Variants in HELB observed in about 807,000 individuals in gnomAD.
The protein encoded by HELB is DNA helicase B, also known as DNA 5'-3' helicase B.
In HELB, 96 loss-of-function variants were observed where a neutral mutation model predicts 101.7. That is an observed-to-expected ratio of 0.94 (90% CI 0.80 to 1.12). The LOEUF is 1.12. Ranked by LOEUF, HELB falls within the 50% of genes most tolerant of loss-of-function variation. HELB has a pLI of 0.00. For synonymous variants in HELB, 437 were observed against 459.7 expected, an observed-to-expected ratio of 0.95 and a Z score of 0.63; for missense variants, 1,210 against 1,291.9, an observed-to-expected ratio of 0.94 and a Z score of 0.97.
At position 66,324,040 on chromosome 12, in the gene HELB, T is replaced by C. The variant is rs758587182; in HGVS notation, c.2355T>C (p.Asn785=). The C allele has an allele frequency of 1.9e-6, 3 of 1,613,736 alleles. No homozygotes were observed. Among genetic ancestry groups the C allele is most frequent in the East Asian group, 2.2e-5 (1 of 44,818 alleles). The change falls in exon 10 of 13, where the codon AAT becomes AAC. Residue 785 remains asparagine (N), a synonymous_variant. Transcript: ENST00000247815. The part of the protein sequence containing the change: ...GIGDKICCTR[N]AYLSDLLPEN... ...GTGATAAAATTTGTTGTACCAGGAA[T>C]GCATACCTCTCAGACTTACTACCTG...
At chr12:66,338,319 A>G (rs754424164), downstream of HELB, 2 of 414,560 alleles carry the variant, frequency 4.8e-6, no homozygotes, top group Non-Finnish European at 8.5e-6. Context: ...GAGATTAGAT[A>G]TTTTATATAC....
intron 11 of HELB, 81 bp from the exon 12 acceptor site, chr12:66,331,073 C>A (rs1210496989): frequency 2.0e-6 from 3 of 1,474,308 alleles, no homozygotes; most frequent in Admixed American, 4.4e-5. Context: ...GCACTTTGAA[C>A]ACTTGTCTCC....
At position 66,315,359 on chromosome 12, in the gene HELB, A is replaced by T. The variant is rs2053592949; in HGVS notation, c.1976A>T (p.Gln659Leu). 3 of 1,599,318 alleles carry T rather than the reference A, an allele frequency of 1.9e-6. No homozygotes were observed. The highest frequency in any genetic ancestry group is 2.6e-6 in the Non-Finnish European group (3 of 1,172,626). The change falls in exon 6 of 13, where the codon CAG becomes CTG. Residue 659 changes from glutamine to leucine, a missense_variant. By Grantham distance (113) the Gln-to-Leu change is moderately radical. Transcript: ENST00000247815. The stretch of plus-strand genomic sequence containing the variant: ...AAGACAAACCATAGAGCAGAATCTC[A>T]GCTCATTGTGGACAATGCTACAAGG... Reference protein sequence around the residue: ...ELKTNHRAESQLIVDNATRIS... With the variant: ...ELKTNHRAESLLIVDNATRIS...
chr12:66,325,852 C>G (rs1268571168), intron 11 of HELB, among the ~76,000 whole-genome samples: 1 of 152,104 alleles, frequency 6.6e-6, no homozygotes, highest in Non-Finnish European at 1.5e-5. Flanking sequence ...CTTTGTGAGG[C>G]AACCTTTTAT....
At position 66,316,967 on chromosome 12, in the gene HELB, C is replaced by T. The variant is rs570983020; in HGVS notation, c.2000+1584C>T. ...CTGGAAGGCGGAGATTGCAGTGAGC[C>T]GAGATCATGCCACTGCACTCCAGCC... On this transcript the variant is annotated intron_variant, in intron 6 of 12. Coordinates refer to ENST00000247815, the MANE Select transcript of HELB (RefSeq NM_001370285.1). 1.3e-4 allele frequency among the ~76,000 whole-genome samples: 19 copies of T among 145,794 alleles called. 1 individual carries two copies. In the East Asian group the frequency reaches 3.6e-3, roughly 28 times the overall value.
chr12:66,330,779 T>A (rs1239442011), intron 11 of HELB, among the ~76,000 whole-genome samples: 1 of 150,830 alleles, frequency 6.6e-6, no homozygotes, highest in African/African-American at 2.4e-5. Flanking sequence ...TACCTATTAC[T>A]GGCTACTTAA....
intron 7 of HELB, among the ~76,000 whole-genome samples, chr12:66,321,180 A>G (rs1232693041): frequency 6.6e-6 from 1 of 152,228 alleles, no homozygotes; most frequent in Non-Finnish European, 1.5e-5. Context: ...GGAAACATAC[A>G]TGGGAAAATG....
At position 66,302,541 on chromosome 12, in the gene HELB, T is replaced by G; in HGVS notation, c.-63T>G. 6.7e-7 allele frequency: 1 copy of G among 1,491,812 alleles called. No individual in the cohort carries two copies. Among genetic ancestry groups the G allele is most frequent in the Non-Finnish European group, 9.2e-7 (1 of 1,081,894 alleles). The allele number at this position is 1,491,812 out of a possible 1,614,324, so 92.4% of individuals were successfully genotyped here. On this transcript the variant is annotated 5_prime_UTR_variant, in exon 1 of 13. Transcript: ENST00000247815. ...CCTTACAGTCGTAGAACTGATTGGCTGATCATGACCATGCAGTTAGCCAGG... is the reference window on the plus strand; with the variant it reads ...CCTTACAGTCGTAGAACTGATTGGCGGATCATGACCATGCAGTTAGCCAGG...
chr12:66,318,546 A>G, intron 6 of HELB, 92 bp from the exon 7 acceptor site: 1 of 1,150,396 alleles, frequency 8.7e-7, no homozygotes. Flanking sequence ...ATTAATAGAT[A>G]CTAATTATTA....
At chr12:66,324,821 T>C (rs2053716493) in intron 10 of HELB, 162 bp from the exon 11 acceptor site, 3 of 728,466 alleles carry the variant, frequency 4.1e-6, no homozygotes, top group East Asian at 5.6e-5. Flanking sequence ...GGTATAGATA[T>C]ATTGTTTGTG....
At chr12:66,309,465 C>T (rs2053514250) in intron 3 of HELB, among the ~76,000 whole-genome samples, 2 of 151,836 alleles carry the variant, frequency 1.3e-5, no homozygotes, top group African/African-American at 4.8e-5. Context: ...TTTGATAAGC[C>T]TTATAGTATT....
intron 11 of HELB, among the ~76,000 whole-genome samples, chr12:66,325,926 A>G (rs1422577071): frequency 3.3e-5 from 5 of 152,188 alleles, no homozygotes; most frequent in African/African-American, 1.2e-4. Context: ...ATGATACTAC[A>G]GAGAGTTTTC....
intron 1 of HELB, 24 bp downstream of exon 1, chr12:66,302,814 G>T (rs1401961982): frequency 1.3e-6 from 2 of 1,579,716 alleles, no homozygotes; most frequent in South Asian, 1.1e-5. Flanking sequence ...CTGCCCGGGG[G>T]ATGGGGTTGG....
chr12:66,318,626 T>C lies in HELB; in HGVS notation c.2001-12T>C, dbSNP rs560254037. 4 of 1,593,248 alleles carry C rather than the reference T, an allele frequency of 2.5e-6. No individual in the cohort carries two copies. The South Asian group carries it at 3.4e-5, about 14-fold the overall frequency. On this transcript the variant is annotated splice_polypyrimidine_tract_variant and intron_variant, in intron 6 of 12. Transcript: ENST00000247815. The stretch of plus-strand genomic sequence containing the variant: ...TAATGTTCTTTGTGTGTGTGTGTTA[T>C]CTTTATTCAAGAATCTCAAGACGCC...
At chr12:66,343,014 C>G (rs2053929089), downstream of HELB, 2 of 152,184 alleles carry the variant, frequency 1.3e-5, no homozygotes, top group South Asian at 4.1e-4. Flanking sequence ...TATTCTAATG[C>G]CAGCACCATA....
At chr12:66,334,421 C>T (rs751745094) in intron 12 of HELB, among the ~76,000 whole-genome samples, 11 of 148,446 alleles carry the variant, frequency 7.4e-5, no homozygotes, top group Non-Finnish European at 1.0e-4. Context: ...GTGATTGTGA[C>T]GTCCCATTCC....
intron 4 of HELB, among the ~76,000 whole-genome samples, chr12:66,310,912 A>G (rs2053537062): frequency 6.6e-6 from 1 of 152,312 alleles, no homozygotes; most frequent in South Asian, 2.1e-4. Flanking sequence ...CCTGGGCAAC[A>G]GAGCGAGACT....
In HELB at chr12:66,337,971, T is replaced by C. The variant is rs746617079; in HGVS notation, c.3163-30T>C. The C allele has an allele frequency of 5.4e-6, 7 of 1,300,970 alleles. No individual in the cohort carries two copies. In the South Asian group the frequency reaches 8.5e-5, roughly 16 times the overall value. 80.6% of individuals were successfully genotyped at this position (1,300,970 alleles called of 1,614,324 possible). A position where few individuals can be genotyped will look rare whatever the true frequency, so the allele number is the denominator to read the frequency against. ...GTAGACTAACTACATTTTTACAAAATTAACTTTGTTATTTTAATTGTTCTA... is the reference window on the plus strand; with the variant it reads ...GTAGACTAACTACATTTTTACAAAACTAACTTTGTTATTTTAATTGTTCTA... On this transcript the variant is annotated intron_variant, in intron 12 of 12. Coordinates refer to ENST00000247815, the MANE Select transcript of HELB (RefSeq NM_001370285.1).
chr12:66,308,573 G>T (rs577414951), intron 3 of HELB, among the ~76,000 whole-genome samples: 1 of 152,278 alleles, frequency 6.6e-6, no homozygotes, highest in East Asian at 1.9e-4. Flanking sequence ...TACAATTCTG[G>T]AGGCTACAAG....
Sources: allele counts gnomAD v4.1 joint callset (sites outside exome capture counted in the v4.1 genomes callset), GRCh38; gene constraint gnomAD v4.1.1; transcripts MANE v1.5; gene names NCBI Gene and HGNC (gene_info 2026-07-23, HGNC 2026-07-21).